The following GSE1 variants were observed in gnomAD, a reference collection of about 807,000 sequenced individuals.
GSE1 encodes the protein genetic suppressor element 1.
A neutral mutation model predicts 112.6 loss-of-function variants in GSE1; 32 were observed. That is an observed-to-expected ratio of 0.28 (90% CI 0.21 to 0.38). The LOEUF is 0.38. Among genes scored for constraint, GSE1 ranks in the 10% least tolerant of loss-of-function variants. GSE1 has a pLI of 1.00. For synonymous variants in GSE1, 1,115 were observed against 735.6 expected, an observed-to-expected ratio of 1.52 and a Z score of -8.35; for missense variants, 2,348 against 1,699.2, an observed-to-expected ratio of 1.38 and a Z score of -6.71.
rs2047342355 is a variant in GSE1, at chr16:85,373,354, T to C, written c.2464+15711T>C. Among the ~76,000 whole-genome samples the C allele has an allele frequency of 6.6e-6, 1 of 152,304 alleles. No homozygotes were observed. Among genetic ancestry groups the C allele is most frequent in the Admixed American group, 6.5e-5 (1 of 15,306 alleles). ...CTGATGTCTTCTATCATGGGCTGTT[T>C]GTTTGGGTGTCTCTGGTGTCTTCTC... On this transcript the variant is annotated intron_variant, in intron 2 of 2. Transcript: ENST00000637419. This position sits in a 1 kb window ranked among gnomAD's most constrained non-coding sequence, Gnocchi z 5.1.
At chr16:85,434,728 G>A (rs143135742) in intron 2 of GSE1, among the ~76,000 whole-genome samples, 1 of 152,342 alleles carries the variant, frequency 6.6e-6, no homozygotes, top group African/African-American at 2.4e-5. Flanking sequence ...TGAGGCAGGA[G>A]AGTGGCTTGA....
At chr16:85,608,524 C>G (rs1184679773), upstream of GSE1, among the ~76,000 whole-genome samples, 3 of 152,098 alleles carry the variant, frequency 2.0e-5, no homozygotes, top group African/African-American at 7.2e-5. Flanking sequence ...CGCTTGAGAC[C>G]TGTCGTACCC....
At chr16:85,242,990 T>G (rs1905279184) in intron 1 of GSE1, among the ~76,000 whole-genome samples, 3 of 151,918 alleles carry the variant, frequency 2.0e-5, no homozygotes. Flanking sequence ...TTTTAAAAAT[T>G]TTTACAGAGA....
At chr16:85,229,897 C>A (rs973601218) in intron 1 of GSE1, among the ~76,000 whole-genome samples, 14 of 152,202 alleles carry the variant, frequency 9.2e-5, no homozygotes, top group African/African-American at 3.4e-4. Flanking sequence ...GGTAGAGGGC[C>A]CTCTTGCCCT....
At chr16:85,331,431 G>GTATATATGTA (rs2046350588) in intron 1 of GSE1, among the ~76,000 whole-genome samples, 1 of 133,492 alleles carries the variant, frequency 7.5e-6, no homozygotes, top group South Asian at 2.3e-4. Context: ...ATGTATATAT[G>GTATATATGTA]TATATATATG....
intron 2 of GSE1, among the ~76,000 whole-genome samples, chr16:85,364,622 C>T (rs745787380): frequency 1.1e-4 from 17 of 152,190 alleles, no homozygotes; most frequent in Non-Finnish European, 2.2e-4. Context: ...TTCCTTGGGA[C>T]TTCCAGAGTG....
At chr16:85,305,476 T>TGG (rs1169442615) in intron 1 of GSE1, among the ~76,000 whole-genome samples, 1 of 151,470 alleles carries the variant, frequency 6.6e-6, no homozygotes, top group African/African-American at 2.4e-5. Flanking sequence ...GTTTTTTTTT[T>TGG]TTTGTTTGTT....
intron 2 of GSE1, among the ~76,000 whole-genome samples, chr16:85,451,400 G>T (rs2049675953): frequency 6.6e-6 from 1 of 152,156 alleles, no homozygotes; most frequent in African/African-American, 2.4e-5. Flanking sequence ...ATCTAAGTTG[G>T]TGCGTGAGCT....
At chr16:85,198,620 T>G (rs1353987213) in intron 1 of GSE1, among the ~76,000 whole-genome samples, 1 of 151,372 alleles carries the variant, frequency 6.6e-6, no homozygotes, top group South Asian at 2.1e-4. Flanking sequence ...CCCTGGACAG[T>G]GCCCACTCAG....
intron 2 of GSE1, among the ~76,000 whole-genome samples, chr16:85,459,398 G>C (rs2049915981): frequency 6.6e-6 from 1 of 152,202 alleles, no homozygotes; most frequent in Admixed American, 6.5e-5. Context: ...TTGGGTTTCA[G>C]CTCCCGCTTG....
chr16:85,459,222 C>A (rs988488420), intron 2 of GSE1, among the ~76,000 whole-genome samples: 6 of 152,226 alleles, frequency 3.9e-5, no homozygotes, highest in African/African-American at 1.4e-4. Context: ...CAAACGCCAC[C>A]CCCAGGCACC....
intron 2 of GSE1, among the ~76,000 whole-genome samples, chr16:85,529,136 A>G (rs1024571422): frequency 2.0e-5 from 3 of 152,038 alleles, no homozygotes; most frequent in Non-Finnish European, 4.4e-5. Context: ...GGACCGGGTT[A>G]GACTTGGTCC....
intron 2 of GSE1, among the ~76,000 whole-genome samples, chr16:85,516,624 G>A (rs952948537): frequency 2.0e-5 from 3 of 146,902 alleles, no homozygotes; most frequent in African/African-American, 5.0e-5. Context: ...GAAATTACCC[G>A]AGACTCAGTT....
At position 85,519,559 on chromosome 16, in the gene GSE1, T is replaced by C. The variant is rs1028535630; in HGVS notation, c.2465-114355T>C. ...CCATCATCACTATTACCACCATCAC[T>C]ATCATCATCACCATCACCAGTCTCC... On this transcript the variant is annotated intron_variant, in intron 2 of 2. Coordinates refer to the GSE1 transcript ENST00000637419. 8.9e-3 allele frequency among the ~76,000 whole-genome samples: 83 copies of C among 9,274 alleles called. 26 individuals carry two copies. Among genetic ancestry groups the C allele is most frequent in the African/African-American group, 0.02 (59 of 2,946 alleles). The allele number at this position is 9,274 out of a possible 152,430, so 6.1% of individuals were successfully genotyped here. A position where few individuals can be genotyped will look rare whatever the true frequency, so the allele number is the denominator to read the frequency against.
At chr16:85,540,417 C>T (rs1478327188) in intron 2 of GSE1, among the ~76,000 whole-genome samples, 1 of 152,174 alleles carries the variant, frequency 6.6e-6, no homozygotes, top group Non-Finnish European at 1.5e-5. Context: ...GGGAGGGTCT[C>T]CTATCGGATC....
Position 85,254,845 on chromosome 16 carries a change from C to T in GSE1, c.2283+83038C>T, listed in dbSNP as rs551775941. ...AAACCAAGACATGCTATGCCCGTTT[C>T]ACACCTGCAGCAGCCGAGGCTGGAG... On this transcript the variant is annotated intron_variant, in intron 1 of 2. Coordinates refer to the GSE1 transcript ENST00000637419. 5.9e-5 allele frequency among the ~76,000 whole-genome samples: 9 copies of T among 152,354 alleles called. No individual in the cohort carries two copies. In the South Asian group the frequency reaches 1.7e-3, roughly 28 times the overall value.
intron 1 of GSE1, among the ~76,000 whole-genome samples, chr16:85,279,455 A>G (rs1474302077): frequency 6.6e-6 from 1 of 151,884 alleles, no homozygotes; most frequent in Non-Finnish European, 1.5e-5. Context: ...AAAAGTACAA[A>G]AATTAGCCAG....
At chr16:85,413,213 T>G (rs1019188457) in intron 2 of GSE1, among the ~76,000 whole-genome samples, 1 of 151,920 alleles carries the variant, frequency 6.6e-6, no homozygotes. Context: ...GTGAGTGAGG[T>G]TGAGGCAGCG....
chr16:85,346,517 G>T (rs1461260683), intron 1 of GSE1, among the ~76,000 whole-genome samples: 1 of 151,406 alleles, frequency 6.6e-6, no homozygotes, highest in Non-Finnish European at 1.5e-5. Context: ...GTGATGGATG[G>T]ATGGTGGATG....
Sources: gnomAD v4.1 joint callset for allele counts (sites outside exome capture counted in the v4.1 genomes callset) on GRCh38, gnomAD v4.1.1 for gene constraint, Gnocchi (gnomAD v3.1) non-coding constraint, MANE v1.5 for transcripts, NCBI Gene and HGNC (gene_info 2026-07-23, HGNC 2026-07-21) for gene names.